FOXK2: variants seen among roughly 807,000 people sequenced by gnomAD.
FOXK2 encodes the protein forkhead box K2, also known as forkhead box protein K2.
Under a neutral mutation model 53.3 loss-of-function variants are expected in FOXK2, and 24 were observed. That is an observed-to-expected ratio of 0.45 (90% CI 0.33 to 0.63). FOXK2 has a LOEUF of 0.63. Among genes scored for constraint, FOXK2 ranks in the 30% least tolerant of loss-of-function variants. FOXK2 has a pLI of 0.03. For synonymous variants in FOXK2, 505 were observed against 407.1 expected, an observed-to-expected ratio of 1.24 and a Z score of -2.89; for missense variants, 952 against 910.5, an observed-to-expected ratio of 1.05 and a Z score of -0.59.
chr17:82,581,475 T>TG (rs1180603677), intron 4 of FOXK2, among the ~76,000 whole-genome samples: 1 of 120,430 alleles, frequency 8.3e-6, no homozygotes, highest in Non-Finnish European at 1.7e-5. Context: ...GATTTTTGTG[T>TG]GGGTTTTTTT....
At chr17:82,595,588 C>T (rs530959702) in intron 8 of FOXK2, among the ~76,000 whole-genome samples, 2 of 152,318 alleles carry the variant, frequency 1.3e-5, no homozygotes, top group African/African-American at 4.8e-5. Flanking sequence ...CAGGTGTGAG[C>T]CACCGCGCCC....
At chr17:82,594,282 A>T (rs2045286439) in intron 8 of FOXK2, among the ~76,000 whole-genome samples, 1 of 152,046 alleles carries the variant, frequency 6.6e-6, no homozygotes, top group Non-Finnish European at 1.5e-5. Flanking sequence ...GCGGATCACG[A>T]GGTCAGGAGA....
chr17:82,540,643 C>A (rs1294835048), intron 1 of FOXK2, among the ~76,000 whole-genome samples: 1 of 152,210 alleles, frequency 6.6e-6, no homozygotes, highest in African/African-American at 2.4e-5. Context: ...GGATGCTACT[C>A]TGCAGCTGCC....
At chr17:82,568,812 C>G (rs1274322194) in intron 3 of FOXK2, among the ~76,000 whole-genome samples, 1 of 152,058 alleles carries the variant, frequency 6.6e-6, no homozygotes, top group Non-Finnish European at 1.5e-5. Flanking sequence ...GAGTTGGAGA[C>G]CAGCCTGGTC....
In FOXK2 at chr17:82,586,113, T is replaced by C; in HGVS notation, c.1489T>C (p.Ser497Pro). 1 of 1,612,612 alleles carries C rather than the reference T, an allele frequency of 6.2e-7. No individual in the cohort carries two copies. Among genetic ancestry groups the C allele is most frequent in the Non-Finnish European group, 8.5e-7 (1 of 1,179,930 alleles). ...GGCCCCAGCGAACACGTACACTGTC[T>C]CTGGACAAGCTGTGGTCACCCCGGC... ...GLAPANTYTV[S>P]GQAVVTPAAV... Residue 497 changes from serine to proline, a missense_variant, in exon 7 of 9, where the codon TCT becomes CCT. Ser to Pro is a moderately conservative substitution (Grantham distance 74). Coordinates refer to ENST00000335255, the MANE Select transcript of FOXK2 (RefSeq NM_004514.4).
chr17:82,596,299 C>G, intron 8 of FOXK2: 1 of 772,224 alleles, frequency 1.3e-6, no homozygotes, highest in South Asian at 5.8e-5. Flanking sequence ...GTTCCTTGCC[C>G]AGATTCTTGG....
At chr17:82,532,935 T>C (rs941221061) in intron 1 of FOXK2, among the ~76,000 whole-genome samples, 2 of 152,228 alleles carry the variant, frequency 1.3e-5, no homozygotes, top group Admixed American at 6.5e-5. Flanking sequence ...TTTTTTTCTT[T>C]TTAAACTTTT....
intron 3 of FOXK2, among the ~76,000 whole-genome samples, chr17:82,569,533 CTT>C (rs1420053328): frequency 6.6e-6 from 1 of 152,152 alleles, no homozygotes; most frequent in African/African-American, 2.4e-5. Flanking sequence ...TGCCCTGTCT[CTT>C]GACCTAGTAT....
rs1375487454 is a variant in FOXK2, at chr17:82,519,931, CCCGCGGGCGGCGGGG to C, written c.47_61del (p.Ala16_Ala20del). On this transcript the variant is annotated inframe_deletion, in exon 1 of 9. Coordinates refer to ENST00000335255, the MANE Select transcript of FOXK2 (RefSeq NM_004514.4). ...GGCGCTCTCGGGCGCGGGCACGCCA[CCCGCGGGCGGCGGGG>C]CCGGGGGCGGCGGGGCCGGGGGCGG... 2 of 978,818 alleles carry C rather than the reference CCCGCGGGCGGCGGGG, an allele frequency of 2.0e-6. No individual in the cohort carries two copies. Among genetic ancestry groups the C allele is most frequent in the Non-Finnish European group, 2.4e-6 (2 of 827,270 alleles). 60.6% of individuals were successfully genotyped at this position (978,818 alleles called of 1,614,324 possible).
In FOXK2 at chr17:82,570,031, G is replaced by A. The variant is rs149799981; in HGVS notation, c.763-1693G>A. ...AGGTCAGGAGATCGAGACCATCCTGGCTAACACGGTGAAATCCCGTCTGTA... is the reference window on the plus strand; with the variant it reads ...AGGTCAGGAGATCGAGACCATCCTGACTAACACGGTGAAATCCCGTCTGTA... On this transcript the variant is annotated intron_variant, in intron 3 of 8. Coordinates refer to ENST00000335255, the MANE Select transcript of FOXK2 (RefSeq NM_004514.4). Among the ~76,000 whole-genome samples, 4 of 150,900 alleles carry A rather than the reference G, an allele frequency of 2.7e-5. No homozygotes were observed. The East Asian group carries it at 5.9e-4, about 22-fold the overall frequency.
intron 5 of FOXK2, among the ~76,000 whole-genome samples, chr17:82,583,169 T>G (rs1340179502): frequency 6.6e-6 from 1 of 152,248 alleles, no homozygotes; most frequent in Non-Finnish European, 1.5e-5. Flanking sequence ...TGATTGTTGC[T>G]TCATGGGGCT....
At chr17:82,595,035 C>T (rs190878611) in intron 8 of FOXK2, among the ~76,000 whole-genome samples, 105 of 152,288 alleles carry the variant, frequency 6.9e-4, no homozygotes, top group African/African-American at 2.4e-3. Flanking sequence ...GTGAGACCCT[C>T]TCCACATAGT....
intron 2 of FOXK2, among the ~76,000 whole-genome samples, chr17:82,566,444 G>C (rs1236007353): frequency 6.6e-6 from 1 of 152,044 alleles, no homozygotes; most frequent in Non-Finnish European, 1.5e-5. Flanking sequence ...GGCTGAATTT[G>C]GCTGAACATA....
chr17:82,599,493 C>T (rs886322353), intron 8 of FOXK2: 1 of 152,320 alleles, frequency 6.6e-6, no homozygotes, highest in African/African-American at 2.4e-5. Context: ...TAAAGTCACA[C>T]ATCCACACTG....
intron 8 of FOXK2, among the ~76,000 whole-genome samples, chr17:82,598,061 C>T (rs1345813590): frequency 1.3e-5 from 2 of 152,078 alleles, no homozygotes; most frequent in African/African-American, 2.4e-5. Flanking sequence ...GACTCGTGAT[C>T]GGCACATCCG....
chr17:82,572,054 G>A, intron 4 of FOXK2, 184 bp downstream of exon 4: 1 of 501,250 alleles, frequency 2.0e-6, no homozygotes, highest in Non-Finnish European at 3.4e-6. Context: ...TCTTTGTGTG[G>A]AGCAGAAGGA....
chr17:82,535,904 A>G (rs149346357), intron 1 of FOXK2, among the ~76,000 whole-genome samples: 27,348 of 151,760 alleles, frequency 0.18, 2,809 homozygotes, highest in Non-Finnish European at 0.24. Context: ...CACCATGCCC[A>G]GGTAATTTTG....
chr17:82,565,155 C>T (rs1055465830), intron 2 of FOXK2, among the ~76,000 whole-genome samples: 8 of 152,218 alleles, frequency 5.3e-5, no homozygotes, highest in African/African-American at 1.9e-4. Context: ...TTATCTTATA[C>T]CGTGTGCAAA....
intron 1 of FOXK2, among the ~76,000 whole-genome samples, chr17:82,546,417 A>G (rs1192796496): frequency 6.6e-6 from 1 of 151,844 alleles, no homozygotes; most frequent in Non-Finnish European, 1.5e-5. Context: ...GCACCCAGCC[A>G]GCGTGGTATA....
Sources: allele counts gnomAD v4.1 joint callset (sites outside exome capture counted in the v4.1 genomes callset), GRCh38; gene constraint gnomAD v4.1.1; transcripts MANE v1.5; gene names NCBI Gene and HGNC (gene_info 2026-07-23, HGNC 2026-07-21).